PPP1R12B: variants seen among roughly 807,000 people sequenced by gnomAD.
PPP1R12B encodes the protein protein phosphatase 1 regulatory subunit 12B, also known as myosin phosphatase target subunit 2.
Under a neutral mutation model 126.1 loss-of-function variants are expected in PPP1R12B, and 76 were observed. The observed-to-expected ratio is 0.60, with a 90% confidence interval of 0.50 to 0.73. The LOEUF is 0.73. Among genes scored for constraint, PPP1R12B ranks in the 30% least tolerant of loss-of-function variants. PPP1R12B has a pLI of 0.00. For missense variants in PPP1R12B, 1,052 were observed against 1,205.1 expected (o/e 0.87, Z 1.88); for synonymous variants, 356 against 434.7 (o/e 0.82, Z 2.25).
intron 18 of PPP1R12B, chr1:202,501,856 CA>C (rs1468375821): frequency 1.0e-6 from 1 of 984,972 alleles, no homozygotes; most frequent in African/African-American, 1.7e-5. Context: ...TTTTTTTACT[CA>C]GCAGGTTACA....
intron 18 of PPP1R12B, among the ~76,000 whole-genome samples, chr1:202,497,600 T>C (rs1000337837): frequency 7.2e-5 from 11 of 152,170 alleles, no homozygotes; most frequent in African/African-American, 2.7e-4. Context: ...AAGATATAAA[T>C]AATATATTGT....
At position 202,348,770 on chromosome 1, in the gene PPP1R12B, T is replaced by C; in HGVS notation, c.-82T>C. The C allele has an allele frequency of 6.7e-7, 1 of 1,492,312 alleles. No homozygotes were observed. Among genetic ancestry groups the C allele is most frequent in the South Asian group, 1.4e-5 (1 of 72,720 alleles). 92.4% of individuals were successfully genotyped at this position (1,492,312 alleles called of 1,614,324 possible). ...CCCTCTGCTCCGGGCTGAAGCGCTC[T>C]GAGAGAGGCGGCAGCGGCAACTCGA... On this transcript the variant is annotated 5_prime_UTR_variant, in exon 1 of 24. Coordinates refer to ENST00000608999, the MANE Select transcript of PPP1R12B (RefSeq NM_002481.4).
chr1:202,352,642 A>G (rs1656236101), intron 1 of PPP1R12B, among the ~76,000 whole-genome samples: 1 of 152,112 alleles, frequency 6.6e-6, no homozygotes, highest in Non-Finnish European at 1.5e-5. Flanking sequence ...TAATCCCACC[A>G]CTTTGGGAGG....
intron 1 of PPP1R12B, among the ~76,000 whole-genome samples, chr1:202,409,503 G>T (rs1369169282): frequency 6.6e-6 from 1 of 151,648 alleles, no homozygotes; most frequent in African/African-American, 2.4e-5. Flanking sequence ...TTGTATTTTA[G>T]TAGAGACAGG....
chr1:202,530,254 A>G (rs1209948663), intron 18 of PPP1R12B, among the ~76,000 whole-genome samples: 2 of 152,144 alleles, frequency 1.3e-5, no homozygotes, highest in Non-Finnish European at 2.9e-5. Context: ...TTGAAATGCC[A>G]GTAGCACCCT....
At chr1:202,548,608 A>G (rs1252311496) in intron 18 of PPP1R12B, among the ~76,000 whole-genome samples, 1 of 151,930 alleles carries the variant, frequency 6.6e-6, no homozygotes. Context: ...TACAGGTGTG[A>G]GCCACTGTGC....
At chr1:202,489,965 A>G (rs562742152) in intron 14 of PPP1R12B, among the ~76,000 whole-genome samples, 12 of 152,322 alleles carry the variant, frequency 7.9e-5, no homozygotes, top group African/African-American at 2.4e-4. Context: ...ATTGATGGGA[A>G]TGGTAGGTAG....
intron 1 of PPP1R12B, among the ~76,000 whole-genome samples, chr1:202,363,951 G>A (rs184675246): frequency 6.6e-6 from 1 of 152,138 alleles, no homozygotes; most frequent in East Asian, 1.9e-4. Flanking sequence ...AGTAGAGACG[G>A]GTTTCACCAT....
At chr1:202,519,113 A>T (rs1362953748) in intron 18 of PPP1R12B, among the ~76,000 whole-genome samples, 1 of 152,164 alleles carries the variant, frequency 6.6e-6, no homozygotes, top group African/African-American at 2.4e-5. Context: ...CTTCAGACCT[A>T]TAAAATCTGA....
At position 202,589,081 on chromosome 1, in the gene PPP1R12B, T is replaced by G. The variant is rs960041879; in HGVS notation, c.*8521T>G. On this transcript the variant is annotated 3_prime_UTR_variant, in exon 24 of 24. Transcript: ENST00000608999. ...CTTAGTCATCTGCTATATCCATAAGTCTTCATGAGGTCATTGTTTAATTCA... is the reference window on the plus strand; with the variant it reads ...CTTAGTCATCTGCTATATCCATAAGGCTTCATGAGGTCATTGTTTAATTCA... The G allele has an allele frequency of 6.6e-6, 1 of 152,144 alleles. No homozygotes were observed. Among genetic ancestry groups the G allele is most frequent in the African/African-American group, 2.4e-5 (1 of 41,416 alleles). The allele number at this position is 152,144 out of a possible 1,614,324, so 9.4% of individuals were successfully genotyped here. A position where few individuals can be genotyped will look rare whatever the true frequency, so the allele number is the denominator to read the frequency against.
At chr1:202,438,769 C>T (rs540597741) in intron 10 of PPP1R12B, 1 of 733,474 alleles carries the variant, frequency 1.4e-6, no homozygotes, top group African/African-American at 1.7e-5. Context: ...CTGGTGTTCA[C>T]CTTGAACAAC....
intron 1 of PPP1R12B, among the ~76,000 whole-genome samples, chr1:202,415,266 G>A (rs936539104): frequency 2.6e-5 from 4 of 152,130 alleles, no homozygotes; most frequent in African/African-American, 9.7e-5. Flanking sequence ...AGAATATAGT[G>A]CCTGCTGGTA....
At chr1:202,451,748 C>T (rs1035553543) in intron 13 of PPP1R12B, among the ~76,000 whole-genome samples, 13 of 149,242 alleles carry the variant, frequency 8.7e-5, no homozygotes, top group Middle Eastern at 3.8e-3. Flanking sequence ...TAGGGGCGGC[C>T]GGGCAGAGGT....
intron 1 of PPP1R12B, among the ~76,000 whole-genome samples, chr1:202,364,918 C>T (rs1451443878): frequency 6.6e-6 from 1 of 152,104 alleles, no homozygotes; most frequent in East Asian, 1.9e-4. Flanking sequence ...CACTGTGTTG[C>T]CCAGGCAGGT....
chr1:202,442,572 G>A lies in PPP1R12B; in HGVS notation c.1667G>A (p.Arg556Lys). The A allele has an allele frequency of 6.2e-7, 1 of 1,610,270 alleles. No individual in the cohort carries two copies. The highest frequency in any genetic ancestry group is 8.5e-7 in the Non-Finnish European group (1 of 1,178,356). ...PSTYVSTYLK[R>K]TPHKSQADTT... ...ACCTATGTATCAACTTACTTGAAAA[G>A]GTACCAGGCTCAAAGGGGGTGGGAG... The change falls in exon 12 of 24, where the codon AGG becomes AAG. Residue 556 changes from arginine to lysine, a missense_variant and splice_region_variant. By Grantham distance (26) the Arg-to-Lys change is conservative (BLOSUM62 2). Coordinates refer to ENST00000608999, the MANE Select transcript of PPP1R12B (RefSeq NM_002481.4).
intron 18 of PPP1R12B, among the ~76,000 whole-genome samples, chr1:202,531,857 A>G (rs1683982954): frequency 6.6e-6 from 1 of 152,192 alleles, no homozygotes; most frequent in Non-Finnish European, 1.5e-5. Flanking sequence ...TGGTTTTGTT[A>G]CTAGAAAAGC....
At chr1:202,572,284 G>A (rs981650387) in intron 23 of PPP1R12B, among the ~76,000 whole-genome samples, 1 of 152,186 alleles carries the variant, frequency 6.6e-6, no homozygotes, top group African/African-American at 2.4e-5. Context: ...CCTCCTTGGA[G>A]CAATCAGTAG....
At chr1:202,399,958 G>A (rs1010296385) in intron 1 of PPP1R12B, among the ~76,000 whole-genome samples, 2 of 151,972 alleles carry the variant, frequency 1.3e-5, no homozygotes, top group Non-Finnish European at 2.9e-5. Context: ...CAGTTAGCAA[G>A]TGTAGTACCC....
At chr1:202,426,963 C>T (rs1571959472) in intron 4 of PPP1R12B, 77 bp from the exon 5 acceptor site, 1 of 1,533,626 alleles carries the variant, frequency 6.5e-7, no homozygotes, top group Admixed American at 2.2e-5. Context: ...TCTGAAATAT[C>T]AATTAGGTAA....
Sources: gnomAD v4.1 joint callset for allele counts (sites outside exome capture counted in the v4.1 genomes callset) on GRCh38, gnomAD v4.1.1 for gene constraint, MANE v1.5 for transcripts, NCBI Gene and HGNC (gene_info 2026-07-23, HGNC 2026-07-21) for gene names.